The following PROS1 variants were observed in gnomAD, a reference collection of about 807,000 sequenced individuals.
PROS1 encodes vitamin K-dependent protein S.
Under a neutral mutation model 75.9 loss-of-function variants are expected in PROS1, and 29 were observed. The observed-to-expected ratio is 0.38, with a 90% CI of 0.28 to 0.52. The LOEUF (loss-of-function observed/expected upper bound fraction) is 0.52. PROS1 is among the 20% of genes least tolerant of loss of function. The probability of loss-of-function intolerance (pLI) is 0.83; values close to 1 mark genes in which losing one functional copy is unlikely to be tolerated. For synonymous variants in PROS1, 245 were observed against 280.6 expected, an observed-to-expected ratio of 0.87 and a Z score of 1.27; for missense variants, 680 against 810.3, an observed-to-expected ratio of 0.84 and a Z score of 1.95.
chr3:93,932,728 C>G (rs1171311287), intron 1 of PROS1, among the ~76,000 whole-genome samples: 2 of 152,120 alleles, frequency 1.3e-5, no homozygotes, highest in Non-Finnish European at 2.9e-5. Context: ...ATTTGATTGA[C>G]TTACCTCCAA....
chr3:93,911,376 T>A (rs1708757881), intron 3 of PROS1, among the ~76,000 whole-genome samples: 1 of 152,214 alleles, frequency 6.6e-6, no homozygotes, highest in African/African-American at 2.4e-5. Flanking sequence ...ATATATTTCT[T>A]AAGAGGCACT....
rs760800328 is a variant in PROS1 at position 93,927,277 on chromosome 3, C to T, written c.207G>A (p.Arg69=). Residue 69 remains arginine (R), a synonymous_variant, in exon 2 of 15, where the codon AGG becomes AGA. Coordinates refer to ENST00000394236, the MANE Select transcript of PROS1 (RefSeq NM_000313.4). ...IEELCNKEEA[R]EVFENDPETD... The stretch of plus-strand genomic sequence containing the variant: ...TTTCCGGGTCATTTTCAAAGACCTC[C>T]CTGGCTTCTTCTTTATTGCACAGTT... The T allele has an allele frequency of 1.2e-6, 2 of 1,612,624 alleles. No individual in the cohort carries two copies. Among genetic ancestry groups the T allele is most frequent in the African/African-American group, 1.3e-5 (1 of 74,956 alleles).
chr3:93,958,414 C>A (rs1233279140), intron 1 of PROS1: 1 of 152,218 alleles, frequency 6.6e-6, no homozygotes, highest in Admixed American at 6.5e-5. Flanking sequence ...GAAACCCAAT[C>A]CTACATTTGA....
intron 1 of PROS1, among the ~76,000 whole-genome samples, chr3:93,966,487 A>G (rs1437346095): frequency 6.6e-6 from 1 of 152,212 alleles, no homozygotes; most frequent in Non-Finnish European, 1.5e-5. Flanking sequence ...AGGACCACAA[A>G]CTAAAAATTC....
intron 1 of PROS1, among the ~76,000 whole-genome samples, chr3:93,937,939 C>T (rs1370359113): frequency 1.3e-5 from 2 of 152,168 alleles, no homozygotes; most frequent in Admixed American, 6.5e-5. Context: ...CTCAGAAAGA[C>T]TTTAACACAG....
At position 93,910,672 on chromosome 3, in the gene PROS1, G is replaced by C. The variant is rs142805170; in HGVS notation, c.293C>G (p.Thr98Ser). ...CLRSFQTGLF[T>S]AARQSTNAYP... ...AGCATTAGTTGACTGACGTGCAGCAGTGAATAACCCAGTTTGAAAAGAGCG... is the reference window on the plus strand; with the variant it reads ...AGCATTAGTTGACTGACGTGCAGCACTGAATAACCCAGTTTGAAAAGAGCG... The change falls in exon 4 of 15, where the codon ACT becomes AGT. Residue 98 changes from threonine (T) to serine (S), a missense_variant. Transcript: ENST00000394236. The C allele has an allele frequency of 1.8e-4, 291 of 1,613,628 alleles. 1 individual carries two copies. The highest frequency in any genetic ancestry group is 2.3e-4 in the Admixed American group (14 of 59,998).
chr3:93,926,650 T>A (rs1177120929), intron 2 of PROS1, among the ~76,000 whole-genome samples: 1 of 152,160 alleles, frequency 6.6e-6, no homozygotes, highest in Non-Finnish European at 1.5e-5. Context: ...AAAATAAAAA[T>A]AAATGCCAAT....
At chr3:93,892,801 A>G in intron 10 of PROS1, 132 bp downstream of exon 10, 2 of 781,474 alleles carry the variant, frequency 2.6e-6, no homozygotes, top group Admixed American at 2.0e-5. Flanking sequence ...GATTTACAGT[A>G]TGTAGAATAT....
rs1189852497 is a variant in PROS1, at chr3:93,973,725, C to G, written c.25G>C (p.Gly9Arg). The G allele has an allele frequency of 6.2e-7, 1 of 1,613,660 alleles. No homozygotes were observed. The highest frequency in any genetic ancestry group is 8.5e-7 in the Non-Finnish European group (1 of 1,179,878). Reference sequence around the variant, plus strand: ...AGGAGGAGACACGCCAGCAGCGCCCCGCAGCGCCCACCCAGGACCCTCATT... The same window carrying G: ...AGGAGGAGACACGCCAGCAGCGCCCGGCAGCGCCCACCCAGGACCCTCATT... The part of the protein sequence containing the change: MRVLGGRC[G>R]ALLACLLLVL... Residue 9 changes from glycine (G) to arginine (R), a missense_variant, in exon 1 of 15, where the codon GGG becomes CGG. By Grantham distance (125) the Gly-to-Arg change is moderately radical. Transcript: ENST00000394236.
At chr3:93,896,766 C>A in intron 8 of PROS1, 75 bp from the exon 9 acceptor site, 1 of 1,125,472 alleles carries the variant, frequency 8.9e-7, no homozygotes, top group South Asian at 1.3e-5. Flanking sequence ...TGTGTGAGGT[C>A]ATGCATTTTT....
chr3:93,882,897 C>T (rs1172111045), intron 12 of PROS1, among the ~76,000 whole-genome samples: 1 of 152,124 alleles, frequency 6.6e-6, no homozygotes, highest in African/African-American at 2.4e-5. Context: ...GTTTTCAAGC[C>T]AGGAGAAAGG....
intron 13 of PROS1, among the ~76,000 whole-genome samples, chr3:93,878,464 AG>A (rs1708224442): frequency 6.6e-6 from 1 of 152,236 alleles, no homozygotes. Context: ...AAAGCATCCA[AG>A]TCAGCCTTGG....
chr3:93,889,734 C>G (rs1436486129), intron 10 of PROS1, among the ~76,000 whole-genome samples: 7 of 152,154 alleles, frequency 4.6e-5, no homozygotes, highest in African/African-American at 1.4e-4. Flanking sequence ...TTTCTTACAC[C>G]TGTCTTACTT....
chr3:93,918,166 G>A (rs1402608395), intron 3 of PROS1, among the ~76,000 whole-genome samples: 1 of 152,150 alleles, frequency 6.6e-6, no homozygotes, highest in Admixed American at 6.5e-5. Flanking sequence ...CCTGTGTCTA[G>A]CTCAGGGTTT....
chr3:93,890,470 C>T (rs996635697), intron 10 of PROS1, among the ~76,000 whole-genome samples: 11 of 152,194 alleles, frequency 7.2e-5, no homozygotes, highest in African/African-American at 2.7e-4. Flanking sequence ...CTTACACCCT[C>T]TCCCCTTTTG....
At chr3:93,956,639 C>T (rs1202890526) in intron 1 of PROS1, among the ~76,000 whole-genome samples, 2 of 151,484 alleles carry the variant, frequency 1.3e-5, no homozygotes, top group South Asian at 4.2e-4. Flanking sequence ...CACAAGGGTA[C>T]ATTAACATTT....
rs941333889 is a variant in PROS1 at position 93,886,443 on chromosome 3, C to T, written c.1216G>A (p.Asp406Asn). ...SIKIAKEAVM[D>N]INKPGPLFKP... ...AAAAGGGGTCCAGGTTTATTTATAT[C>T]CATCACAGCTTCTTTAGCTATTTTA... The change falls in exon 11 of 15, where the codon GAT becomes AAT. Residue 406 changes from aspartate to asparagine, a missense_variant. Physicochemically the swap from Asp to Asn is conservative, Grantham distance 23 (BLOSUM62 1). Coordinates refer to ENST00000394236, the MANE Select transcript of PROS1 (RefSeq NM_000313.4). The T allele has an allele frequency of 1.2e-6, 2 of 1,612,758 alleles. No homozygotes were observed. The highest frequency in any genetic ancestry group is 2.7e-5 in the African/African-American group (2 of 74,878).
At chr3:93,938,316 GC>G (rs1709222150) in intron 1 of PROS1, among the ~76,000 whole-genome samples, 1 of 151,838 alleles carries the variant, frequency 6.6e-6, no homozygotes, top group East Asian at 1.9e-4. Flanking sequence ...CTATAAAACG[GC>G]CCCACCCCTA....
chr3:93,908,009 G>A (rs4417906), intron 4 of PROS1, among the ~76,000 whole-genome samples: 148,158 of 152,226 alleles, frequency 0.97, 72,141 homozygotes, highest in Non-Finnish European at 0.98. Flanking sequence ...TTAGCGGGGC[G>A]TGGTGGCACA....
Sources: gnomAD v4.1 joint callset for allele counts (sites outside exome capture counted in the v4.1 genomes callset) on GRCh38, gnomAD v4.1.1 for gene constraint, MANE v1.5 for transcripts, NCBI Gene and HGNC (gene_info 2026-07-23, HGNC 2026-07-21) for gene names.